The following CHCHD6 variants were observed in gnomAD, a reference collection of about 807,000 sequenced individuals.
CHCHD6 encodes coiled-coil-helix-coiled-coil-helix domain containing 6, also known as MICOS complex subunit MIC25.
Under a neutral mutation model 32.3 loss-of-function variants are expected in CHCHD6, and 28 were observed. The observed-to-expected ratio is 0.87, with a 90% confidence interval of 0.64 to 1.19. CHCHD6 has a LOEUF of 1.19. Among genes scored for constraint, CHCHD6 ranks in the 50% most tolerant of loss-of-function variants. CHCHD6 has a pLI of 0.00. For synonymous variants in CHCHD6, 122 were observed against 117.5 expected (o/e 1.04, Z -0.25); for missense variants, 333 against 307.0 (o/e 1.08, Z -0.63).
At chr3:126,764,200 CATAT>C (rs143293559) in intron 4 of CHCHD6, among the ~76,000 whole-genome samples, 2,548 of 139,772 alleles carry the variant, frequency 0.018, 21 homozygotes, top group Middle Eastern at 0.054. Flanking sequence ...TACATACATG[CATAT>C]ATATATATAT....
chr3:126,934,968 C>G (rs917543926), intron 6 of CHCHD6: 12 of 189,388 alleles, frequency 6.3e-5, no homozygotes, highest in African/African-American at 2.8e-4. Context: ...TAAAGGAGGA[C>G]TGAGGAAATG....
chr3:126,765,194 T>C (rs1379006480), intron 4 of CHCHD6, among the ~76,000 whole-genome samples: 2 of 152,220 alleles, frequency 1.3e-5, no homozygotes, highest in Non-Finnish European at 2.9e-5. Context: ...AGTTCTCACA[T>C]TTAAGTTCTA....
At chr3:126,868,739 A>C (rs998463145) in intron 5 of CHCHD6, among the ~76,000 whole-genome samples, 1 of 152,220 alleles carries the variant, frequency 6.6e-6, no homozygotes, top group Non-Finnish European at 1.5e-5. Context: ...ATCTATGTGC[A>C]TGTGCCATAA....
chr3:126,810,906 T>C (rs1456611092), intron 4 of CHCHD6, among the ~76,000 whole-genome samples: 2 of 152,038 alleles, frequency 1.3e-5, no homozygotes, highest in Non-Finnish European at 2.9e-5. Context: ...TGGGCTCAGT[T>C]GTAGAGAGAC....
At chr3:126,766,761 G>C (rs1937385245) in intron 4 of CHCHD6, 1 of 1,141,894 alleles carries the variant, frequency 8.8e-7, no homozygotes. Context: ...CACGGGAGGT[G>C]TTGGTGGCCC....
chr3:126,765,524 C>T lies in CHCHD6; in HGVS notation c.411+32302C>T, dbSNP rs1478272912. 3.3e-5 allele frequency among the ~76,000 whole-genome samples: 5 copies of T among 152,204 alleles called. No individual in the cohort carries two copies. In the East Asian group the frequency reaches 9.6e-4, roughly 29 times the overall value. ...AGAGCTGAGTCAGCAGAACGGTACC[C>T]CGAGTCTCAGTAACAGGACGGCCTG... On this transcript the variant is annotated intron_variant, in intron 4 of 7. Transcript: ENST00000290913.
At chr3:126,907,751 T>C (rs1050695368) in intron 5 of CHCHD6, among the ~76,000 whole-genome samples, 1 of 152,198 alleles carries the variant, frequency 6.6e-6, no homozygotes, top group African/African-American at 2.4e-5. Context: ...TTGGCCCTTT[T>C]CCAACCTGCA....
intron 4 of CHCHD6, among the ~76,000 whole-genome samples, chr3:126,773,894 C>T (rs1423883725): frequency 6.6e-6 from 1 of 152,172 alleles, no homozygotes; most frequent in Non-Finnish European, 1.5e-5. Flanking sequence ...GTGTGAGCCA[C>T]TGTGCCCAGC....
intron 6 of CHCHD6, among the ~76,000 whole-genome samples, chr3:126,917,088 A>G (rs1342242694): frequency 6.6e-6 from 1 of 152,214 alleles, no homozygotes; most frequent in Non-Finnish European, 1.5e-5. Context: ...TCATCCTCAT[A>G]TCCCCTGAAA....
At chr3:126,869,288 CTTTTTTTTTTT>C (rs58408227) in intron 5 of CHCHD6, among the ~76,000 whole-genome samples, 4 of 108,702 alleles carry the variant, frequency 3.7e-5, no homozygotes, top group East Asian at 2.5e-4. Context: ...CACCAGTCTC[CTTTTTTTTTTT>C]TTTTTTTTTT....
chr3:126,718,705 A>G (rs1201899693), intron 1 of CHCHD6, among the ~76,000 whole-genome samples: 1 of 152,152 alleles, frequency 6.6e-6, no homozygotes, highest in Non-Finnish European at 1.5e-5. Flanking sequence ...CCCTCTGTCC[A>G]TTGACCACAC....
At chr3:126,751,192 G>C (rs942300299) in intron 4 of CHCHD6, among the ~76,000 whole-genome samples, 1 of 151,524 alleles carries the variant, frequency 6.6e-6, no homozygotes, top group Non-Finnish European at 1.5e-5. Context: ...TTTGAAGGCA[G>C]TTCTTTTTCT....
At chr3:126,783,950 G>A (rs1394662035) in intron 4 of CHCHD6, among the ~76,000 whole-genome samples, 1 of 151,980 alleles carries the variant, frequency 6.6e-6, no homozygotes, top group African/African-American at 2.4e-5. Context: ...TTTGGGGGAG[G>A]GTAAGAGGGC....
At chr3:126,756,195 A>G (rs1181630657) in intron 4 of CHCHD6, among the ~76,000 whole-genome samples, 2 of 152,164 alleles carry the variant, frequency 1.3e-5, no homozygotes, top group African/African-American at 2.4e-5. Context: ...CCTCGGACCC[A>G]TAGCTTAGAA....
At chr3:126,862,528 C>A (rs1220889804) in intron 5 of CHCHD6, among the ~76,000 whole-genome samples, 1 of 94,432 alleles carries the variant, frequency 1.1e-5, no homozygotes, top group East Asian at 4.1e-4. Flanking sequence ...CACCACCTCA[C>A]CCTCTTCCAC....
rs1367110277 is a variant in CHCHD6, at chr3:126,852,649, C to T, written c.414C>T (p.Ala138=). Residue 138 remains alanine, a splice_region_variant and synonymous_variant, in exon 5 of 8, where the codon GCC becomes GCT. Coordinates refer to ENST00000290913, the MANE Select transcript of CHCHD6 (RefSeq NM_032343.3). ...SHEEQKSVRL[A]RELESREAEL... ...GGGCTTTGTTCTCTTCCAAGCAGGC[C>T]AGGGAGCTGGAGAGCAGAGAGGCAG... 4.3e-6 allele frequency: 7 copies of T among 1,613,286 alleles called. No homozygotes were observed. The highest frequency in any genetic ancestry group is 5.9e-6 in the Non-Finnish European group (7 of 1,179,330).
chr3:126,807,128 G>A (rs1308887381), intron 4 of CHCHD6, among the ~76,000 whole-genome samples: 5 of 151,096 alleles, frequency 3.3e-5, no homozygotes, highest in South Asian at 2.1e-4. Flanking sequence ...CAGCACACCA[G>A]CATGGCACAT....
At chr3:126,953,767 C>T (rs2078748787) in intron 6 of CHCHD6, among the ~76,000 whole-genome samples, 1 of 152,202 alleles carries the variant, frequency 6.6e-6, no homozygotes, top group South Asian at 2.1e-4. Context: ...ATTAGATCTT[C>T]ATTCTCCAAG....
At chr3:126,887,530 G>T (rs1420654300) in intron 5 of CHCHD6, among the ~76,000 whole-genome samples, 1 of 152,178 alleles carries the variant, frequency 6.6e-6, no homozygotes, top group Non-Finnish European at 1.5e-5. Flanking sequence ...ACTCCCCCTA[G>T]CCCTGTATTA....
Sources: allele counts gnomAD v4.1 joint callset (sites outside exome capture counted in the v4.1 genomes callset), GRCh38; gene constraint gnomAD v4.1.1; transcripts MANE v1.5; gene names NCBI Gene and HGNC (gene_info 2026-07-23, HGNC 2026-07-21).